CNTNAP5: variants seen among roughly 807,000 people sequenced by gnomAD.
CNTNAP5 encodes the protein contactin-associated protein-like 5.
Under a neutral mutation model 150.2 loss-of-function variants are expected in CNTNAP5, and 72 were observed. That is an observed-to-expected ratio of 0.48 (90% confidence interval 0.40 to 0.58). The LOEUF is 0.58. Ranked by LOEUF, CNTNAP5 falls within the 20% of genes least tolerant of loss-of-function variation. CNTNAP5 has a pLI of 0.00. For missense variants in CNTNAP5, 1,636 were observed against 1,626.2 expected (o/e 1.01, Z -0.10); for synonymous variants, 672 against 619.8 (o/e 1.08, Z -1.25).
intron 3 of CNTNAP5, among the ~76,000 whole-genome samples, chr2:124,316,804 C>CAAAAAAAA (rs56812690): frequency 2.2e-4 from 12 of 54,774 alleles, no homozygotes; most frequent in East Asian, 1.5e-3. Context: ...GACTCCATCT[C>CAAAAAAAA]AAAAAAAAAA....
chr2:124,037,108 G>C (rs1466045127), intron 1 of CNTNAP5, among the ~76,000 whole-genome samples: 1 of 152,136 alleles, frequency 6.6e-6, no homozygotes, highest in East Asian at 1.9e-4. Context: ...CCCATATCTA[G>C]AAGTCACTAT....
chr2:124,747,317 G>A lies in CNTNAP5; in HGVS notation c.2166G>A (p.Glu722=). ...CCCCTCCTGGGGTCCAGCAGTGTGA[G>A]TGTGGCCTAGACGAGAGCTGCCTGG... The part of the protein sequence containing the change: ...GGSPPGVQQC[E]CGLDESCLDI... The change falls in exon 14 of 24, where the codon GAG becomes GAA. Residue 722 remains glutamate, a synonymous_variant. Coordinates refer to ENST00000682447, the MANE Select transcript of CNTNAP5 (RefSeq NM_001367498.1). The A allele has an allele frequency of 6.2e-7, 1 of 1,613,860 alleles. No homozygotes were observed. The highest frequency in any genetic ancestry group is 8.5e-7 in the Non-Finnish European group (1 of 1,179,778).
At chr2:124,613,280 A>G (rs1273131021) in intron 12 of CNTNAP5, among the ~76,000 whole-genome samples, 1 of 152,152 alleles carries the variant, frequency 6.6e-6, no homozygotes, top group Non-Finnish European at 1.5e-5. Context: ...GAGAGTCAGG[A>G]AGAAGGGAGA....
At chr2:124,068,239 C>T (rs13409010) in intron 1 of CNTNAP5, among the ~76,000 whole-genome samples, 18,298 of 152,146 alleles carry the variant, frequency 0.12, 1,167 homozygotes, top group South Asian at 0.23. Flanking sequence ...TTTCTACCCC[C>T]TGGCAGTGGC....
intron 1 of CNTNAP5, among the ~76,000 whole-genome samples, chr2:124,092,991 A>G (rs1393974289): frequency 6.6e-6 from 1 of 152,220 alleles, no homozygotes; most frequent in Non-Finnish European, 1.5e-5. Flanking sequence ...TCAGTCACAA[A>G]AGTCAGCGTT....
At chr2:124,320,438 G>T (rs1216036226) in intron 3 of CNTNAP5, among the ~76,000 whole-genome samples, 1 of 152,190 alleles carries the variant, frequency 6.6e-6, no homozygotes, top group African/African-American at 2.4e-5. Context: ...GTGTCTAACT[G>T]AAATAGTGTG....
chr2:124,860,422 TC>T (rs1357771104), intron 19 of CNTNAP5, among the ~76,000 whole-genome samples: 9,728 of 137,340 alleles, frequency 0.071, 2,016 homozygotes, highest in African/African-American at 0.27. Flanking sequence ...CTCCCTTCCT[TC>T]CTTCCTTCCT....
chr2:124,744,939 A>G (rs13032703), intron 13 of CNTNAP5, among the ~76,000 whole-genome samples: 1 of 152,148 alleles, frequency 6.6e-6, no homozygotes, highest in Non-Finnish European at 1.5e-5. Context: ...TAGATACATA[A>G]TTTTTTGTTC....
intron 1 of CNTNAP5, among the ~76,000 whole-genome samples, chr2:124,137,824 G>T (rs1263593388): frequency 6.6e-6 from 1 of 151,624 alleles, no homozygotes; most frequent in Admixed American, 6.6e-5. Flanking sequence ...GCATGCAGAG[G>T]GCCATGAGCC....
At chr2:124,753,428 G>A (rs751789551) in intron 14 of CNTNAP5, among the ~76,000 whole-genome samples, 1 of 152,174 alleles carries the variant, frequency 6.6e-6, no homozygotes, top group African/African-American at 2.4e-5. Flanking sequence ...TCAGGCCATA[G>A]CCATGATAGA....
chr2:124,880,025 A>C (rs2104736618), intron 21 of CNTNAP5, among the ~76,000 whole-genome samples: 1 of 152,228 alleles, frequency 6.6e-6, no homozygotes, highest in South Asian at 2.1e-4. Flanking sequence ...TCCCACACAG[A>C]AGGAGAGGGA....
chr2:124,454,869 C>T (rs975451230), intron 6 of CNTNAP5, among the ~76,000 whole-genome samples: 1 of 152,012 alleles, frequency 6.6e-6, no homozygotes, highest in Non-Finnish European at 1.5e-5. Flanking sequence ...CACAACCTAT[C>T]AAAACCTCTG....
intron 3 of CNTNAP5, among the ~76,000 whole-genome samples, chr2:124,383,394 A>C (rs1330678590): frequency 4.6e-5 from 7 of 152,154 alleles, no homozygotes; most frequent in Non-Finnish European, 8.8e-5. Context: ...TCCAGCTTCT[A>C]GTAGTCTTTT....
chr2:124,802,868 T>A (rs1158869358), intron 19 of CNTNAP5, among the ~76,000 whole-genome samples: 1 of 152,104 alleles, frequency 6.6e-6, no homozygotes, highest in Non-Finnish European at 1.5e-5. Flanking sequence ...CTCACACCTG[T>A]AATCCCAGCA....
At position 124,914,499 on chromosome 2, in the gene CNTNAP5, A is replaced by G; in HGVS notation, c.*211A>G. The G allele has an allele frequency of 3.7e-6, 2 of 539,582 alleles. No individual in the cohort carries two copies. The highest frequency in any genetic ancestry group is 3.3e-6 in the Non-Finnish European group (1 of 298,818). The allele number at this position is 539,582 out of a possible 1,614,324, so 33.4% of individuals were successfully genotyped here. A position where few individuals can be genotyped will look rare whatever the true frequency, so the allele number is the denominator to read the frequency against. On this transcript the variant is annotated 3_prime_UTR_variant, in exon 24 of 24. Transcript: ENST00000682447. ...CACTGCCTTCCTCTCTGATGAACCT[A>G]TCGGGTGAAAACGACCACTCAAGAG... is the stretch of plus-strand genomic sequence containing the variant.
intron 3 of CNTNAP5, among the ~76,000 whole-genome samples, chr2:124,272,890 G>A (rs923687852): frequency 6.6e-6 from 1 of 152,188 alleles, no homozygotes; most frequent in African/African-American, 2.4e-5. Flanking sequence ...TTCAATGCAT[G>A]AATCTTCTAA....
intron 12 of CNTNAP5, among the ~76,000 whole-genome samples, chr2:124,616,623 A>C (rs1200441681): frequency 1.3e-5 from 2 of 152,218 alleles, no homozygotes; most frequent in East Asian, 3.9e-4. Flanking sequence ...CAACTTGGCT[A>C]ACTTGCACAA....
At chr2:124,417,886 T>G (rs1317734825) in intron 4 of CNTNAP5, among the ~76,000 whole-genome samples, 1 of 152,206 alleles carries the variant, frequency 6.6e-6, no homozygotes, top group Non-Finnish European at 1.5e-5. Context: ...TTGAGTTTAA[T>G]TCTTCCCCGG....
intron 1 of CNTNAP5, among the ~76,000 whole-genome samples, chr2:124,044,643 G>T (rs17010757): frequency 0.11 from 16,097 of 152,030 alleles, 973 homozygotes; most frequent in East Asian, 0.29. Context: ...CACCCTTATG[G>T]AGGTGATGAT....
Sources: gnomAD v4.1 joint callset for allele counts (sites outside exome capture counted in the v4.1 genomes callset) on GRCh38, gnomAD v4.1.1 for gene constraint, MANE v1.5 for transcripts, NCBI Gene and HGNC (gene_info 2026-07-23, HGNC 2026-07-21) for gene names.